Variants in JMJD1C observed in about 807,000 individuals in gnomAD.
JMJD1C encodes jumonji domain-containing protein 1C.
Under a neutral mutation model 245.3 loss-of-function variants are expected in JMJD1C, and 31 were observed. The ratio of observed to expected loss-of-function variants is 0.13; its 90% confidence interval spans 0.09 to 0.17. JMJD1C has a LOEUF of 0.17. Among genes scored for constraint, JMJD1C ranks in the 10% least tolerant of loss-of-function variants. JMJD1C has a pLI of 1.00. For synonymous variants in JMJD1C, 1,057 were observed against 1,017.4 expected, an observed-to-expected ratio of 1.04 and a Z score of -0.74; for missense variants, 2,691 against 3,000.2, an observed-to-expected ratio of 0.90 and a Z score of 2.41.
At chr10:63,353,974 G>A (rs900391431) in intron 2 of JMJD1C, among the ~76,000 whole-genome samples, 1 of 152,098 alleles carries the variant, frequency 6.6e-6, no homozygotes, top group African/African-American at 2.4e-5. Flanking sequence ...CTGGGTAGCT[G>A]GAACTACAGG....
chr10:63,225,515 G>A (rs916926515), intron 3 of JMJD1C, among the ~76,000 whole-genome samples: 2 of 152,114 alleles, frequency 1.3e-5, no homozygotes, highest in African/African-American at 2.4e-5. Context: ...CAGGCGCGGT[G>A]GCTCACACCT....
chr10:63,199,361 T>C (rs751101876), intron 11 of JMJD1C, among the ~76,000 whole-genome samples: 2 of 152,172 alleles, frequency 1.3e-5, no homozygotes, highest in Non-Finnish European at 2.9e-5. Context: ...TCCTCAATTA[T>C]ATTGTACTTC....
In JMJD1C at chr10:63,178,695, G is replaced by A. The variant is rs962715293; in HGVS notation, c.7085-839C>T. On this transcript the variant is annotated intron_variant, in intron 22 of 25. Coordinates refer to ENST00000399262, the MANE Select transcript of JMJD1C (RefSeq NM_032776.3). ...CTGTAATCAAATGCAAATGTTTCACGAACAAAGTTGTGGTTTTGAGGAAAA... is the reference window on the plus strand; with the variant it reads ...CTGTAATCAAATGCAAATGTTTCACAAACAAAGTTGTGGTTTTGAGGAAAA... 8.5e-5 allele frequency among the ~76,000 whole-genome samples: 13 copies of A among 152,232 alleles called. No homozygotes were observed. The South Asian group carries it at 2.1e-3, about 24-fold the overall frequency.
Position 63,353,444 on chromosome 10 carries a change from C to T in JMJD1C, c.333+26874G>A, listed in dbSNP as rs563810084. On this transcript the variant is annotated intron_variant, in intron 2 of 25. Transcript: ENST00000399262. ...CAGATTTTATGCAAAGCAGGTGAAACGGTAGATTTTTATTTGGAAATATAT... is the reference window on the plus strand; with the variant it reads ...CAGATTTTATGCAAAGCAGGTGAAATGGTAGATTTTTATTTGGAAATATAT... Among the ~76,000 whole-genome samples the T allele has an allele frequency of 8.5e-5, 13 of 152,252 alleles. No homozygotes were observed. The South Asian group carries it at 2.3e-3, about 27-fold the overall frequency.
At chr10:63,228,800 A>C (rs979677556) in intron 3 of JMJD1C, among the ~76,000 whole-genome samples, 3 of 152,198 alleles carry the variant, frequency 2.0e-5, no homozygotes, top group Non-Finnish European at 4.4e-5. Flanking sequence ...TAAAGACAAA[A>C]ATATCTTAAG....
At chr10:63,313,015 G>A (rs778075821) in intron 2 of JMJD1C, among the ~76,000 whole-genome samples, 5 of 152,008 alleles carry the variant, frequency 3.3e-5, no homozygotes, top group Non-Finnish European at 5.9e-5. Context: ...GTTCTTTAGC[G>A]GTGATTTGTG....
intron 2 of JMJD1C, among the ~76,000 whole-genome samples, chr10:63,363,464 C>G (rs1945577763): frequency 6.6e-6 from 1 of 151,482 alleles, no homozygotes; most frequent in Admixed American, 6.6e-5. Flanking sequence ...CACAATGTTG[C>G]CCAGGCTGGC....
At chr10:63,346,431 C>T (rs1269831124) in intron 2 of JMJD1C, among the ~76,000 whole-genome samples, 1 of 152,220 alleles carries the variant, frequency 6.6e-6, no homozygotes, top group Non-Finnish European at 1.5e-5. Flanking sequence ...TGCAACCTAA[C>T]TTATTAGGTA....
chr10:63,380,625 G>C (rs1011568536), intron 1 of JMJD1C, 143 bp from the exon 2 acceptor site: 10 of 616,724 alleles, frequency 1.6e-5, no homozygotes, highest in Admixed American at 3.1e-5. Context: ...ATCAAATCAG[G>C]GTAATTAGAA....
chr10:63,307,683 C>T (rs1938466853), intron 2 of JMJD1C, among the ~76,000 whole-genome samples: 1 of 152,016 alleles, frequency 6.6e-6, no homozygotes, highest in Non-Finnish European at 1.5e-5. Context: ...AAGAGGATTT[C>T]AGTGACAGCC....
intron 2 of JMJD1C, among the ~76,000 whole-genome samples, chr10:63,283,811 T>C (rs1260792240): frequency 1.3e-5 from 2 of 152,062 alleles, no homozygotes; most frequent in Admixed American, 6.6e-5. Flanking sequence ...AATGTGGGTA[T>C]ACTTAAAAAG....
chr10:63,223,471 G>A (rs1406572344), intron 3 of JMJD1C, among the ~76,000 whole-genome samples: 1 of 151,948 alleles, frequency 6.6e-6, no homozygotes, highest in East Asian at 2.0e-4. Context: ...CAAGCGATCT[G>A]CCCACCTTGG....
chr10:63,269,080 A>G, intron 2 of JMJD1C: 2 of 985,468 alleles, frequency 2.0e-6, no homozygotes, highest in Non-Finnish European at 2.4e-6. Flanking sequence ...ATTTCTCTCG[A>G]GGTCGCTTAC....
intron 1 of JMJD1C, among the ~76,000 whole-genome samples, chr10:63,392,848 G>A (rs1315984291): frequency 8.4e-6 from 1 of 119,666 alleles, no homozygotes; most frequent in Admixed American, 8.6e-5. Flanking sequence ...AAAAAAAAAG[G>A]TGGGCAAAAA....
chr10:63,275,454 A>G (rs1427696933), intron 2 of JMJD1C, among the ~76,000 whole-genome samples: 1 of 152,260 alleles, frequency 6.6e-6, no homozygotes, highest in Non-Finnish European at 1.5e-5. Flanking sequence ...ACCTTTCACA[A>G]AGGAGAAATA....
upstream of JMJD1C, among the ~76,000 whole-genome samples, chr10:63,467,242 C>T (rs1281921867): frequency 6.6e-6 from 1 of 151,646 alleles, no homozygotes; most frequent in African/African-American, 2.4e-5. Flanking sequence ...GGCACGGTGC[C>T]TCACGCCTGT....
At chr10:63,515,128 G>C (rs1206815593) in intron 1 of JMJD1C, among the ~76,000 whole-genome samples, 1 of 152,134 alleles carries the variant, frequency 6.6e-6, no homozygotes, top group Non-Finnish European at 1.5e-5. Context: ...AAATGGAACA[G>C]GGTGGCTGGA....
chr10:63,505,585 A>G (rs1030290431), intron 1 of JMJD1C, among the ~76,000 whole-genome samples: 3 of 152,018 alleles, frequency 2.0e-5, no homozygotes, highest in African/African-American at 7.3e-5. Context: ...CTAATTATAT[A>G]TTTAATTATG....
intron 17 of JMJD1C, 134 bp downstream of exon 17, chr10:63,190,760 C>G: frequency 1.5e-6 from 1 of 683,152 alleles, no homozygotes; most frequent in Admixed American, 2.6e-5. Flanking sequence ...AGTTATAATG[C>G]AAATAGAAAC....
Sources: gnomAD v4.1 joint callset for allele counts (sites outside exome capture counted in the v4.1 genomes callset) on GRCh38, gnomAD v4.1.1 for gene constraint, MANE v1.5 for transcripts, NCBI Gene and HGNC (gene_info 2026-07-23, HGNC 2026-07-21) for gene names.